The following EPC2 variants were observed in gnomAD, a reference collection of about 807,000 sequenced individuals.
The protein encoded by EPC2 is enhancer of polycomb homolog 2.
A neutral mutation model predicts 92.1 loss-of-function variants in EPC2; 14 were observed. That is an observed-to-expected ratio of 0.15 (90% confidence interval 0.10 to 0.24). EPC2 has a LOEUF of 0.24. Among genes scored for constraint, EPC2 ranks in the 10% least tolerant of loss-of-function variants. The pLI, the probability that EPC2 is intolerant of heterozygous loss-of-function variation, is 1.00. For missense variants in EPC2, 755 were observed against 971.5 expected (o/e 0.78, Z 2.96); for synonymous variants, 340 against 334.7 (o/e 1.02, Z -0.17).
In EPC2 at chr2:148,781,732, G is replaced by T; in HGVS notation, c.1809G>T (p.Gln603His). The change falls in exon 11 of 14, where the codon CAG becomes CAT. Residue 603 changes from glutamine (Q) to histidine (H), a missense_variant. By Grantham distance (24) the Gln-to-His change is conservative (BLOSUM62 0). Transcript: ENST00000258484. ...GGCAGCAACTTGCCCAGCTTCAGCA[G>T]AAACAGCAATCTCAGCATTCCTCGC... Reference protein sequence around the residue: ...MQRQQLAQLQQKQQSQHSSQQ... With the variant: ...MQRQQLAQLQHKQQSQHSSQQ... 6.2e-7 allele frequency: 1 copy of T among 1,614,020 alleles called. No individual in the cohort carries two copies.
At chr2:148,719,249 C>T (rs1682321610) in intron 2 of EPC2, among the ~76,000 whole-genome samples, 1 of 152,144 alleles carries the variant, frequency 6.6e-6, no homozygotes, top group African/African-American at 2.4e-5. Flanking sequence ...GTCATTTCAG[C>T]AATCTCAGTG....
At chr2:148,739,675 A>ACCAAATT (rs1682836429) in intron 2 of EPC2, among the ~76,000 whole-genome samples, 1 of 152,032 alleles carries the variant, frequency 6.6e-6, no homozygotes, top group Non-Finnish European at 1.5e-5. Context: ...CCAGAGAGCA[A>ACCAAATT]CCAAATTTTC....
chr2:148,678,735 G>A (rs965818764), intron 1 of EPC2, among the ~76,000 whole-genome samples: 4 of 152,252 alleles, frequency 2.6e-5, no homozygotes, highest in African/African-American at 9.6e-5. Flanking sequence ...GCCCGCAAGC[G>A]CTGCATGCAG....
intron 1 of EPC2, among the ~76,000 whole-genome samples, chr2:148,689,501 T>C (rs1005303328): frequency 1.3e-5 from 2 of 152,128 alleles, no homozygotes; most frequent in African/African-American, 4.8e-5. Flanking sequence ...ACCTTTACTC[T>C]GAATAGGATG....
intron 10 of EPC2, among the ~76,000 whole-genome samples, chr2:148,780,989 A>G (rs1483135467): frequency 6.6e-6 from 1 of 152,200 alleles, no homozygotes; most frequent in African/African-American, 2.4e-5. Context: ...CTTTTAACAC[A>G]GTTGGTCGCA....
At chr2:148,668,194 G>A (rs1231236685) in intron 1 of EPC2, among the ~76,000 whole-genome samples, 2 of 152,070 alleles carry the variant, frequency 1.3e-5, no homozygotes, top group East Asian at 1.9e-4. Flanking sequence ...ACCACTCCTG[G>A]TCTCAGTTTT....
At chr2:148,777,345 A>C (rs1683666721) in intron 10 of EPC2, among the ~76,000 whole-genome samples, 1 of 152,168 alleles carries the variant, frequency 6.6e-6, no homozygotes, top group African/African-American at 2.4e-5. Flanking sequence ...TGAAAAATTC[A>C]TGACTTCCCA....
chr2:148,762,590 A>G (rs899837937), intron 5 of EPC2, 80 bp from the exon 6 acceptor site: 16 of 1,034,342 alleles, frequency 1.5e-5, no homozygotes, highest in South Asian at 2.2e-5. Context: ...GTGACTTCCA[A>G]TTAATTGAGG....
At chr2:148,772,751 C>T (rs995801043) in intron 10 of EPC2, among the ~76,000 whole-genome samples, 12 of 152,130 alleles carry the variant, frequency 7.9e-5, no homozygotes, top group South Asian at 2.1e-4. Context: ...TGGATGAATG[C>T]GTAATATGAT....
At position 148,784,830 on chromosome 2, in the gene EPC2, T is replaced by A. The variant is rs1217503778; in HGVS notation, c.2180T>A (p.Leu727Gln). Residue 727 changes from leucine (L) to glutamine (Q), a missense_variant, in exon 13 of 14, where the codon CTG becomes CAG. By Grantham distance (113) the Leu-to-Gln change is moderately radical (BLOSUM62 -2). This residue lies in a region of EPC2 where 207 missense variants were observed against 260.5 expected (regional missense o/e 0.79). Coordinates refer to ENST00000258484, the MANE Select transcript of EPC2 (RefSeq NM_015630.4). Reference sequence around the variant, plus strand: ...ACACTTCCCATGAACAATTCCTGCCTGACAAATGCAGTGCACCTCAATAAT... The same window carrying A: ...ACACTTCCCATGAACAATTCCTGCCAGACAAATGCAGTGCACCTCAATAAT... The part of the protein sequence containing the change: ...PQTLPMNNSC[L>Q]TNAVHLNNVS... 36 of 1,613,838 alleles carry A rather than the reference T, an allele frequency of 2.2e-5. No homozygotes were observed. Among genetic ancestry groups the A allele is most frequent in the Non-Finnish European group, 2.9e-5 (34 of 1,179,866 alleles).
intron 1 of EPC2, among the ~76,000 whole-genome samples, chr2:148,680,600 A>G (rs951852959): frequency 7.2e-5 from 11 of 152,204 alleles, no homozygotes; most frequent in African/African-American, 2.7e-4. Context: ...GGACCCTGAA[A>G]TATTTGTTGA....
In EPC2 at chr2:148,665,188, G is replaced by C. The variant is rs541841974; in HGVS notation, c.153+20018G>C. ...TTTCACAACTTTGGATCTAATTCTT[G>C]GTTGTTTTCATATATAGGTATCTTG... is the stretch of plus-strand genomic sequence containing the variant. On this transcript the variant is annotated intron_variant, in intron 1 of 13. Coordinates refer to ENST00000258484, the MANE Select transcript of EPC2 (RefSeq NM_015630.4). Among the ~76,000 whole-genome samples the C allele has an allele frequency of 9.9e-5, 15 of 152,022 alleles. No homozygotes were observed. In the South Asian group the frequency reaches 3.1e-3, roughly 32 times the overall value.
chr2:148,729,408 C>A (rs1266079209), intron 2 of EPC2, among the ~76,000 whole-genome samples: 1 of 152,248 alleles, frequency 6.6e-6, no homozygotes, highest in East Asian at 1.9e-4. Flanking sequence ...CTATACCTCT[C>A]ATCCAGTTTT....
intron 4 of EPC2, among the ~76,000 whole-genome samples, chr2:148,760,873 T>C (rs1683289386): frequency 6.6e-6 from 1 of 152,220 alleles, no homozygotes. Flanking sequence ...TTAGGTTCTT[T>C]CTAATGTCAT....
chr2:148,677,806 G>A (rs1009476778), intron 1 of EPC2, among the ~76,000 whole-genome samples: 4 of 152,020 alleles, frequency 2.6e-5, no homozygotes, highest in Admixed American at 6.6e-5. Context: ...TTAAGGCGGC[G>A]CATCTGGAGT....
intron 4 of EPC2, 55 bp downstream of exon 4, chr2:148,754,188 CT>C (rs969630029): frequency 1.1e-4 from 146 of 1,280,932 alleles, no homozygotes; most frequent in Middle Eastern, 4.4e-4. Flanking sequence ...CAAGATCAAT[CT>C]TTTTTTTTCT....
intron 13 of EPC2, among the ~76,000 whole-genome samples, chr2:148,785,217 AAGAC>A (rs1277578170): frequency 9.2e-5 from 14 of 152,142 alleles, no homozygotes; most frequent in Non-Finnish European, 1.9e-4. Flanking sequence ...TTGTTAGAGA[AAGAC>A]AGAGTAGTAG....
At chr2:148,759,669 T>G (rs1179872975) in intron 4 of EPC2, among the ~76,000 whole-genome samples, 3 of 152,086 alleles carry the variant, frequency 2.0e-5, no homozygotes, top group Non-Finnish European at 4.4e-5. Context: ...CTCTTGAAAT[T>G]TTTCAAAAAT....
chr2:148,757,302 G>A (rs1683209885), intron 4 of EPC2, among the ~76,000 whole-genome samples: 2 of 152,190 alleles, frequency 1.3e-5, no homozygotes, highest in African/African-American at 4.8e-5. Flanking sequence ...CTTGAACCCG[G>A]GAGGCGGAGG....
Sources: gnomAD v4.1 joint callset for allele counts (sites outside exome capture counted in the v4.1 genomes callset) on GRCh38, gnomAD v4.1.1 for gene constraint, gnomAD v4.1.1 regional missense constraint, MANE v1.5 for transcripts, NCBI Gene and HGNC (gene_info 2026-07-23, HGNC 2026-07-21) for gene names.